Variants in APBB2 observed in about 807,000 individuals in gnomAD.
APBB2 encodes Fe65-like 1.
A neutral mutation model predicts 82.5 loss-of-function variants in APBB2; 38 were observed. The observed-to-expected ratio is 0.46, with a 90% CI of 0.36 to 0.60. APBB2 has a LOEUF of 0.60. APBB2 is among the 20% of genes least tolerant of loss of function. The pLI, the probability that APBB2 is intolerant of heterozygous loss-of-function variation, is 0.00. For synonymous variants in APBB2, 341 were observed against 368.2 expected (o/e 0.93, Z 0.85); for missense variants, 772 against 972.3 (o/e 0.79, Z 2.74).
At chr4:40,819,303 G>A (rs1055014976) in intron 17 of APBB2, among the ~76,000 whole-genome samples, 1 of 150,164 alleles carries the variant, frequency 6.7e-6, no homozygotes, top group African/African-American at 2.5e-5. Flanking sequence ...TCCCACCTCA[G>A]CCTCCCTGAG....
intron 6 of APBB2, among the ~76,000 whole-genome samples, chr4:40,983,676 T>C (rs28705706): frequency 0.37 from 55,720 of 151,946 alleles, 10,575 homozygotes; most frequent in Middle Eastern, 0.45. Context: ...ATCCTGCATT[T>C]AAGCAATTCT....
At chr4:40,979,478 G>T (rs1323787852) in intron 6 of APBB2, among the ~76,000 whole-genome samples, 1 of 152,130 alleles carries the variant, frequency 6.6e-6, no homozygotes, top group Non-Finnish European at 1.5e-5. Context: ...GAGCTTCAAA[G>T]GATTTTACAT....
intron 7 of APBB2, among the ~76,000 whole-genome samples, chr4:40,939,338 G>A (rs1484523296): frequency 6.6e-6 from 1 of 152,192 alleles, no homozygotes; most frequent in Non-Finnish European, 1.5e-5. Context: ...CAGACAAAGT[G>A]AGATTCAGAA....
At chr4:41,007,038 T>C (rs577005206) in intron 6 of APBB2, among the ~76,000 whole-genome samples, 1 of 152,254 alleles carries the variant, frequency 6.6e-6, no homozygotes, top group South Asian at 2.1e-4. Flanking sequence ...ATTTAAGACA[T>C]CAAAGGATTC....
intron 1 of APBB2, chr4:41,207,924 T>C (rs1778362260): frequency 6.6e-6 from 1 of 152,218 alleles, no homozygotes; most frequent in African/African-American, 2.4e-5. Context: ...AGGCATAGTA[T>C]CAGAGAAAAG....
chr4:41,016,022 G>C (rs1468083591), intron 5 of APBB2, among the ~76,000 whole-genome samples: 1 of 152,134 alleles, frequency 6.6e-6, no homozygotes, highest in Non-Finnish European at 1.5e-5. Flanking sequence ...ACTCAAGAGT[G>C]GCATTTCATA....
chr4:40,862,395 T>C (rs1762962994), intron 12 of APBB2, among the ~76,000 whole-genome samples: 1 of 152,222 alleles, frequency 6.6e-6, no homozygotes, highest in South Asian at 2.1e-4. Flanking sequence ...TGGAAGCCAC[T>C]TCAAAATCTC....
intron 2 of APBB2, among the ~76,000 whole-genome samples, chr4:41,108,844 T>C (rs1748170747): frequency 6.6e-6 from 1 of 152,180 alleles, no homozygotes; most frequent in Non-Finnish European, 1.5e-5. Flanking sequence ...TCTTGGTCTA[T>C]CCAGTCTCAA....
At chr4:40,923,693 G>A (rs1051929107) in intron 10 of APBB2, among the ~76,000 whole-genome samples, 2 of 152,222 alleles carry the variant, frequency 1.3e-5, no homozygotes, top group Admixed American at 1.3e-4. Flanking sequence ...AGGGAAGTCT[G>A]CCTTTCCTTC....
intron 11 of APBB2, among the ~76,000 whole-genome samples, chr4:40,891,762 C>T (rs1424626185): frequency 6.6e-6 from 1 of 152,134 alleles, no homozygotes; most frequent in Admixed American, 6.5e-5. Flanking sequence ...AACAGATTCA[C>T]CAGCTACTCA....
At chr4:41,048,952 C>T (rs143714431) in intron 4 of APBB2, among the ~76,000 whole-genome samples, 3,209 of 152,266 alleles carry the variant, frequency 0.021, 105 homozygotes, top group African/African-American at 0.073. Context: ...GACGGAGTCT[C>T]GTTCACTCAG....
intron 4 of APBB2, among the ~76,000 whole-genome samples, chr4:41,039,606 C>T (rs1560589081): frequency 2.0e-5 from 3 of 152,166 alleles, no homozygotes; most frequent in African/African-American, 4.8e-5. Context: ...ACTTGTAAAT[C>T]CCGGCACTTT....
At chr4:40,817,783 A>C (rs1278201046) in intron 17 of APBB2, among the ~76,000 whole-genome samples, 2 of 152,188 alleles carry the variant, frequency 1.3e-5, no homozygotes, top group African/African-American at 4.8e-5. Flanking sequence ...ACAGTGTTCT[A>C]TCATACCCCT....
At chr4:41,081,483 G>A (rs931310201) in intron 3 of APBB2, among the ~76,000 whole-genome samples, 17 of 152,292 alleles carry the variant, frequency 1.1e-4, no homozygotes, top group South Asian at 8.3e-4. Context: ...TAATGCATGC[G>A]TATAAAGGAG....
intron 1 of APBB2, among the ~76,000 whole-genome samples, chr4:41,199,653 G>A (rs1235263161): frequency 6.6e-6 from 1 of 152,128 alleles, no homozygotes; most frequent in African/African-American, 2.4e-5. Context: ...GGGATCTACA[G>A]CTAACAGTTT....
At position 40,922,469 on chromosome 4, in the gene APBB2, G is replaced by A. The variant is rs184834901; in HGVS notation, c.1254+11987C>T. On this transcript the variant is annotated intron_variant, in intron 10 of 17. Transcript: ENST00000508593. ...ACTGAAATGATTTTCTTATAAGCACGAGTCAGAAGCAGAGGGAGAACTCAG... is the reference window on the plus strand; with the variant it reads ...ACTGAAATGATTTTCTTATAAGCACAAGTCAGAAGCAGAGGGAGAACTCAG... 9.7e-4 allele frequency among the ~76,000 whole-genome samples: 148 copies of A among 152,216 alleles called. 1 individual carries two copies. The highest frequency in any genetic ancestry group is 3.4e-3 in the Middle Eastern group (1 of 294).
chr4:40,954,215 C>T (rs1790976069), intron 6 of APBB2, among the ~76,000 whole-genome samples: 1 of 152,204 alleles, frequency 6.6e-6, no homozygotes, highest in South Asian at 2.1e-4. Flanking sequence ...GAAATTTCCT[C>T]TCCTGCTGCG....
intron 6 of APBB2, among the ~76,000 whole-genome samples, chr4:40,961,785 C>T (rs775046904): frequency 1.4e-5 from 2 of 146,188 alleles, no homozygotes; most frequent in Admixed American, 6.9e-5. Flanking sequence ...GGTTATGATT[C>T]ATTCATTTTC....
chr4:41,104,806 C>T (rs1245451783), intron 2 of APBB2, among the ~76,000 whole-genome samples: 6 of 152,218 alleles, frequency 3.9e-5, no homozygotes, highest in Non-Finnish European at 8.8e-5. Flanking sequence ...CCAGCTCCAT[C>T]CATGTTGCTG....
Sources: allele counts gnomAD v4.1 joint callset (sites outside exome capture counted in the v4.1 genomes callset), GRCh38; gene constraint gnomAD v4.1.1; transcripts MANE v1.5; gene names NCBI Gene and HGNC (gene_info 2026-07-23, HGNC 2026-07-21).